The following ENTREP2 variants were observed in gnomAD, a reference collection of about 807,000 sequenced individuals.
ENTREP2 encodes the protein protein ENTREP2.
chr15:29,404,810 T>C, the ENTREP2 span, among the ~76,000 whole-genome samples: 1 of 152,122 alleles, frequency 6.6e-6, no homozygotes, highest in Non-Finnish European at 1.5e-5. Flanking sequence ...CCAGTGCTCC[T>C]GGAGCCTGCC....
the ENTREP2 span, among the ~76,000 whole-genome samples, chr15:29,362,965 T>A: frequency 6.6e-6 from 1 of 152,232 alleles, no homozygotes; most frequent in Non-Finnish European, 1.5e-5. Flanking sequence ...ATACTGTTAG[T>A]AAATTTAAAA....
the ENTREP2 span, among the ~76,000 whole-genome samples, chr15:29,227,658 G>C: frequency 6.6e-6 from 1 of 152,092 alleles, no homozygotes; most frequent in African/African-American, 2.4e-5. Flanking sequence ...AGGGAGAGAA[G>C]GAGAAGACGG....
chr15:29,568,190 G>T, the ENTREP2 span, among the ~76,000 whole-genome samples: 2 of 152,244 alleles, frequency 1.3e-5, no homozygotes, highest in African/African-American at 4.8e-5. Context: ...CAAGGTGCTT[G>T]CAGCAAAGTA....
At chr15:29,346,594 G>T in the ENTREP2 span, among the ~76,000 whole-genome samples, 1 of 152,054 alleles carries the variant, frequency 6.6e-6, no homozygotes, top group Non-Finnish European at 1.5e-5. Flanking sequence ...CTAAATTTTT[G>T]ATATTTCACA....
At chr15:29,368,337 A>T in the ENTREP2 span, among the ~76,000 whole-genome samples, 15,901 of 146,150 alleles carry the variant, frequency 0.11, 964 homozygotes, top group African/African-American at 0.15. Flanking sequence ...CAAAAAAAAA[A>T]ATATATATAT....
chr15:29,355,769 G>A, the ENTREP2 span, among the ~76,000 whole-genome samples: 2 of 152,142 alleles, frequency 1.3e-5, no homozygotes. Flanking sequence ...TATCACCCAT[G>A]TCCCCATGGT....
chr15:29,508,230 C>G, the ENTREP2 span, among the ~76,000 whole-genome samples: 1 of 152,132 alleles, frequency 6.6e-6, no homozygotes, highest in Non-Finnish European at 1.5e-5. Context: ...AGACCAATAA[C>G]AAGTTCTGAA....
At chr15:29,245,965 G>A in the ENTREP2 span, among the ~76,000 whole-genome samples, 2 of 152,094 alleles carry the variant, frequency 1.3e-5, no homozygotes, top group African/African-American at 4.8e-5. Flanking sequence ...CTGCAGGGAC[G>A]GTCTTAGTGA....
At chr15:29,251,068 C>A in the ENTREP2 span, among the ~76,000 whole-genome samples, 1 of 152,158 alleles carries the variant, frequency 6.6e-6, no homozygotes, top group Non-Finnish European at 1.5e-5. Flanking sequence ...AGTGGCTGCC[C>A]CTGTGAATCC....
the ENTREP2 span, among the ~76,000 whole-genome samples, chr15:29,162,855 A>G: frequency 1.6e-4 from 25 of 152,122 alleles, no homozygotes; most frequent in Admixed American, 1.5e-3. Context: ...GCCAACCCGC[A>G]CAAAAATAGA....
the ENTREP2 span, among the ~76,000 whole-genome samples, chr15:29,568,179 T>C: frequency 6.6e-6 from 1 of 152,240 alleles, no homozygotes; most frequent in African/African-American, 2.4e-5. Context: ...GAAAGAACTT[T>C]CAAGGTGCTT....
chr15:29,492,401 T>C, the ENTREP2 span, among the ~76,000 whole-genome samples: 1 of 152,332 alleles, frequency 6.6e-6, no homozygotes, highest in East Asian at 1.9e-4. Flanking sequence ...GTTCTAATTA[T>C]GATTACGATA....
chr15:29,167,569 C>T, the ENTREP2 span, among the ~76,000 whole-genome samples: 1 of 151,884 alleles, frequency 6.6e-6, no homozygotes, highest in Non-Finnish European at 1.5e-5. Context: ...TGAAAAAATG[C>T]TCAACATCAC....
the ENTREP2 span, chr15:29,234,461 G>A: frequency 6.7e-7 from 1 of 1,489,338 alleles, no homozygotes; most frequent in African/African-American, 1.4e-5. Context: ...TGTAGCTCTT[G>A]TGCCCAGCAT....
chr15:29,543,839 T>C, the ENTREP2 span, among the ~76,000 whole-genome samples: 1 of 151,854 alleles, frequency 6.6e-6, no homozygotes, highest in Non-Finnish European at 1.5e-5. Context: ...TTAAATTTCA[T>C]AAAGAAGGTG....
the ENTREP2 span, among the ~76,000 whole-genome samples, chr15:29,320,268 A>C: frequency 6.6e-6 from 1 of 152,192 alleles, no homozygotes; most frequent in Non-Finnish European, 1.5e-5. Flanking sequence ...CAGTTGAAGG[A>C]GCTGCTAGAC....
the ENTREP2 span, among the ~76,000 whole-genome samples, chr15:29,174,702 C>CAAAAAAAAAAAAAAAAAA: frequency 3.5e-5 from 4 of 115,928 alleles, no homozygotes; most frequent in Admixed American, 8.7e-5. Context: ...CAAAACAAAA[C>CAAAAAAAAAAAAAAAAAA]AAAACAACAA....
At chr15:29,193,881 C>T in the ENTREP2 span, among the ~76,000 whole-genome samples, 1 of 152,082 alleles carries the variant, frequency 6.6e-6, no homozygotes, top group African/African-American at 2.4e-5. Flanking sequence ...ATTAGGATAG[C>T]ACCAATAAAT....
At chr15:29,260,203 AGAG>A in the ENTREP2 span, among the ~76,000 whole-genome samples, 1 of 152,230 alleles carries the variant, frequency 6.6e-6, no homozygotes, top group Non-Finnish European at 1.5e-5. Context: ...AAACTGAAGG[AGAG>A]GGAGCACTTC....
Sources: gnomAD v4.1 joint callset for allele counts (sites outside exome capture counted in the v4.1 genomes callset) on GRCh38, gnomAD v4.1.1 for gene constraint, MANE v1.5 for transcripts, NCBI Gene and HGNC (gene_info 2026-07-23, HGNC 2026-07-21) for gene names.